The following KCNIP4 variants were observed in gnomAD, a reference collection of about 807,000 sequenced individuals.
KCNIP4 encodes the protein potassium voltage-gated channel interacting protein 4.
Under a neutral mutation model 34.0 loss-of-function variants are expected in KCNIP4, and 12 were observed. The ratio of observed to expected loss-of-function variants is 0.35; its 90% CI spans 0.23 to 0.57. The LOEUF (loss-of-function observed/expected upper bound fraction) is 0.57, where lower values mean the gene tolerates loss of function less well. Ranked by LOEUF, KCNIP4 falls within the 20% of genes least tolerant of loss-of-function variation. KCNIP4 has a pLI of 0.83. For missense variants in KCNIP4, 238 were observed against 311.7 expected (o/e 0.76, Z 1.78); for synonymous variants, 124 against 102.2 (o/e 1.21, Z -1.29).
At chr4:20,825,944 T>C (rs1399475702) in intron 3 of KCNIP4, among the ~76,000 whole-genome samples, 1 of 151,898 alleles carries the variant, frequency 6.6e-6, no homozygotes, top group Non-Finnish European at 1.5e-5. Context: ...TGTTGTGAAA[T>C]GTCCAATTAG....
chr4:21,468,620 A>G (rs1483637251), intron 1 of KCNIP4, among the ~76,000 whole-genome samples: 1 of 152,172 alleles, frequency 6.6e-6, no homozygotes, highest in African/African-American at 2.4e-5. Context: ...CATGCCTTAT[A>G]GGATTTGGTG....
At chr4:20,753,992 TGAGCAGG>T (rs1191725190) in intron 4 of KCNIP4, among the ~76,000 whole-genome samples, 1 of 152,148 alleles carries the variant, frequency 6.6e-6, no homozygotes, top group East Asian at 1.9e-4. Flanking sequence ...TCCTACAACA[TGAGCAGG>T]AATAGCCCAG....
At chr4:21,185,484 C>T (rs1245302567) in intron 1 of KCNIP4, among the ~76,000 whole-genome samples, 1 of 151,734 alleles carries the variant, frequency 6.6e-6, no homozygotes, top group Admixed American at 6.6e-5. Context: ...TCCTCCTCCC[C>T]CTCCTCTTCT....
chr4:21,762,445 A>G (rs1356063183), intron 1 of KCNIP4, among the ~76,000 whole-genome samples: 2 of 152,090 alleles, frequency 1.3e-5, no homozygotes, highest in African/African-American at 4.8e-5. Flanking sequence ...CCCATTTCTT[A>G]TGTGCAAGTT....
intron 1 of KCNIP4, among the ~76,000 whole-genome samples, chr4:21,824,688 T>C (rs1301229566): frequency 6.6e-6 from 1 of 152,182 alleles, no homozygotes; most frequent in African/African-American, 2.4e-5. Context: ...AACTCTGGTC[T>C]CCTGTTCAGC....
intron 3 of KCNIP4, among the ~76,000 whole-genome samples, chr4:20,791,551 TA>T (rs879821459): frequency 1.7e-4 from 26 of 152,272 alleles, no homozygotes; most frequent in African/African-American, 2.9e-4. Context: ...TCTTGTAAGA[TA>T]TTTTTTTTGC....
intron 1 of KCNIP4, among the ~76,000 whole-genome samples, chr4:21,512,170 G>C (rs924453264): frequency 7.8e-6 from 1 of 127,704 alleles, no homozygotes; most frequent in Non-Finnish European, 1.7e-5. Flanking sequence ...GGGAGGGAGG[G>C]AGGAAGGAAG....
chr4:20,832,431 A>G (rs4988679), intron 3 of KCNIP4, among the ~76,000 whole-genome samples: 118,584 of 152,048 alleles, frequency 0.78, 46,399 homozygotes, highest in South Asian at 0.85. Context: ...CTTCTGAGAA[A>G]TTAAAGACAA....
At chr4:21,824,908 G>GT (rs1722583194) in intron 1 of KCNIP4, among the ~76,000 whole-genome samples, 2 of 152,136 alleles carry the variant, frequency 1.3e-5, no homozygotes, top group African/African-American at 2.4e-5. Context: ...CTGACTGCTA[G>GT]TGAGGCCCAG....
At chr4:21,220,294 GATA>G (rs1225960238) in intron 1 of KCNIP4, among the ~76,000 whole-genome samples, 1 of 152,092 alleles carries the variant, frequency 6.6e-6, no homozygotes, top group Non-Finnish European at 1.5e-5. Flanking sequence ...ATGCTTCACT[GATA>G]ATAATTGATT....
chr4:21,941,174 T>G (rs1055859358), intron 1 of KCNIP4, among the ~76,000 whole-genome samples: 6 of 152,188 alleles, frequency 3.9e-5, no homozygotes, highest in Non-Finnish European at 7.4e-5. Context: ...ATACCCAATA[T>G]TATCATGAAA....
chr4:20,788,305 C>A (rs1199027813), intron 3 of KCNIP4, among the ~76,000 whole-genome samples: 1 of 152,098 alleles, frequency 6.6e-6, no homozygotes, highest in Non-Finnish European at 1.5e-5. Flanking sequence ...AAAAGTAAAA[C>A]CCTGAAGTGC....
intron 1 of KCNIP4, among the ~76,000 whole-genome samples, chr4:21,302,710 C>G (rs969506837): frequency 1.3e-5 from 2 of 152,086 alleles, no homozygotes; most frequent in Non-Finnish European, 2.9e-5. Flanking sequence ...CTCCTGCGCC[C>G]TGCATCCCCC....
At chr4:21,300,785 C>T (rs374540419) in intron 1 of KCNIP4, among the ~76,000 whole-genome samples, 18 of 151,942 alleles carry the variant, frequency 1.2e-4, no homozygotes, top group Non-Finnish European at 1.8e-4. Context: ...CAAAATAGGC[C>T]GCTGATATCT....
intron 1 of KCNIP4, among the ~76,000 whole-genome samples, chr4:21,551,606 CA>C (rs1481655161): frequency 6.6e-6 from 1 of 152,048 alleles, no homozygotes; most frequent in African/African-American, 2.4e-5. Context: ...GCAACTCTGC[CA>C]AAACCTGTTA....
chr4:21,840,427 G>T (rs553054591), intron 1 of KCNIP4, among the ~76,000 whole-genome samples: 1 of 152,160 alleles, frequency 6.6e-6, no homozygotes, highest in South Asian at 2.1e-4. Flanking sequence ...CCCTGCTCTT[G>T]CTAAATATGC....
At chr4:21,253,826 A>G (rs1401213741) in intron 1 of KCNIP4, among the ~76,000 whole-genome samples, 1 of 152,216 alleles carries the variant, frequency 6.6e-6, no homozygotes, top group Non-Finnish European at 1.5e-5. Flanking sequence ...TTGCAGATAA[A>G]TGAATAAACC....
At chr4:21,906,814 T>C (rs1403121361) in intron 1 of KCNIP4, among the ~76,000 whole-genome samples, 1 of 152,192 alleles carries the variant, frequency 6.6e-6, no homozygotes, top group Non-Finnish European at 1.5e-5. Flanking sequence ...TGTACATCTT[T>C]TTACATACAT....
intron 1 of KCNIP4, among the ~76,000 whole-genome samples, chr4:21,078,293 A>T (rs1745682679): frequency 6.6e-6 from 1 of 152,104 alleles, no homozygotes; most frequent in Admixed American, 6.6e-5. Context: ...TGTCGTAATC[A>T]GCTTGGGCTG....
Sources: gnomAD v4.1 joint callset for allele counts (sites outside exome capture counted in the v4.1 genomes callset) on GRCh38, gnomAD v4.1.1 for gene constraint, MANE v1.5 for transcripts, NCBI Gene and HGNC (gene_info 2026-07-23, HGNC 2026-07-21) for gene names.